Variants in DNAH8 observed in about 807,000 individuals in gnomAD.
DNAH8 encodes the protein axonemal beta dynein heavy chain 8.
DNAH8 carries 382 observed loss-of-function variants against 562.1 expected under a neutral mutation model. The ratio of observed to expected loss-of-function variants is 0.68; its 90% CI spans 0.63 to 0.74. DNAH8 has a LOEUF of 0.74. DNAH8 is among the 30% of genes least tolerant of loss of function. The pLI, the probability that DNAH8 is intolerant of heterozygous loss-of-function variation, is 0.00. For missense variants in DNAH8, 5,203 were observed against 5,620.4 expected, an observed-to-expected ratio of 0.93 and a Z score of 2.37; for synonymous variants, 1,881 against 1,919.4, an observed-to-expected ratio of 0.98 and a Z score of 0.52.
At chr6:38,715,952 A>ATTTTTT (rs1562521236) in intron 1 of DNAH8, among the ~76,000 whole-genome samples, 22 of 25,696 alleles carry the variant, frequency 8.6e-4, no homozygotes, top group African/African-American at 3.6e-3. Flanking sequence ...ATATATATAT[A>ATTTTTT]TATATATATT....
At position 38,974,339 on chromosome 6, in the gene DNAH8, A is replaced by T; in HGVS notation, c.12679-35A>T. ...TCTATTTTATTCTTTATAGTAATTT[A>T]TAGAAACAAAAGCACTGTTTTCTTT... On this transcript the variant is annotated intron_variant, in intron 84 of 92. Transcript: ENST00000327475. 5 of 1,525,668 alleles carry T rather than the reference A, an allele frequency of 3.3e-6. No homozygotes were observed. The South Asian group carries it at 6.2e-5, about 19-fold the overall frequency. The allele number at this position is 1,525,668 out of a possible 1,614,324, so 94.5% of individuals were successfully genotyped here.
intron 8 of DNAH8, among the ~76,000 whole-genome samples, chr6:38,747,232 T>A (rs184382076): frequency 2.6e-5 from 4 of 152,208 alleles, no homozygotes; most frequent in Admixed American, 6.5e-5. Flanking sequence ...TATAGAACAG[T>A]GAGAGATTAA....
In DNAH8 at chr6:38,899,680, T is replaced by C. The variant is rs985504326; in HGVS notation, c.9064-96T>C. On this transcript the variant is annotated intron_variant, in intron 61 of 92. Transcript: ENST00000327475. ...AACGAGGAAAAAGTCTAATATCATC[T>C]AGAAACATATGATCAAAACTTGGGC... The C allele has an allele frequency of 1.4e-5, 19 of 1,377,522 alleles. No homozygotes were observed. The Admixed American group carries it at 3.6e-4, about 26-fold the overall frequency. The allele number at this position is 1,377,522 out of a possible 1,614,324, so 85.3% of individuals were successfully genotyped here.
intron 48 of DNAH8, among the ~76,000 whole-genome samples, 179 bp downstream of exon 48, chr6:38,868,375 C>T (rs1777220208): frequency 6.6e-6 from 1 of 152,158 alleles, no homozygotes; most frequent in African/African-American, 2.4e-5. Flanking sequence ...CCTGTGTGAC[C>T]AACATGGACT....
intron 82 of DNAH8, among the ~76,000 whole-genome samples, chr6:38,954,383 A>G (rs1381713098): frequency 1.3e-5 from 2 of 152,262 alleles, no homozygotes; most frequent in South Asian, 2.1e-4. Flanking sequence ...AACATTTTAA[A>G]TAATAAGAGA....
chr6:38,958,913 A>G (rs890684569), intron 82 of DNAH8, among the ~76,000 whole-genome samples: 1 of 152,182 alleles, frequency 6.6e-6, no homozygotes, highest in Admixed American at 6.5e-5. Flanking sequence ...AGCAAACCAA[A>G]TCAAACAGTG....
At chr6:38,874,812 G>A (rs1777867550) in intron 52 of DNAH8, among the ~76,000 whole-genome samples, 1 of 152,210 alleles carries the variant, frequency 6.6e-6, no homozygotes, top group African/African-American at 2.4e-5. Flanking sequence ...TCAGTTAAGA[G>A]AGTCAGTCAT....
chr6:38,966,709 A>C (rs1018837821), intron 82 of DNAH8, among the ~76,000 whole-genome samples: 2 of 152,222 alleles, frequency 1.3e-5, no homozygotes, highest in African/African-American at 4.8e-5. Flanking sequence ...TACCATATTA[A>C]TAGAATAATA....
At chr6:38,743,362 T>C (rs932035100) in intron 8 of DNAH8, among the ~76,000 whole-genome samples, 19 of 152,088 alleles carry the variant, frequency 1.2e-4, no homozygotes, top group Non-Finnish European at 1.5e-5. Flanking sequence ...GTGGACCAAT[T>C]TTCCCCTTTC....
intron 12 of DNAH8, 48 bp downstream of exon 12, chr6:38,770,607 G>T: frequency 6.7e-7 from 1 of 1,494,308 alleles, no homozygotes. Context: ...ACACCTTTTT[G>T]GTGATTTTGT....
In DNAH8 at chr6:38,929,659, C is replaced by T. The variant is rs1307978704; in HGVS notation, c.11267C>T (p.Thr3756Ile). 2 of 1,464,934 alleles carry T rather than the reference C, an allele frequency of 1.4e-6. No individual in the cohort carries two copies. Among genetic ancestry groups the T allele is most frequent in the Non-Finnish European group, 1.8e-6 (2 of 1,099,058 alleles). The allele number at this position is 1,464,934 out of a possible 1,614,324, so 90.7% of individuals were successfully genotyped here. A position where few individuals can be genotyped will look rare whatever the true frequency, so the allele number is the denominator to read the frequency against. ...AAGAATTTTATTAAATCTGGCACCA[C>T]TTTCAAGGTGAGCTTTGTAAAAAAA... The part of the protein sequence containing the change: ...LEKNFIKSGT[T>I]FKVKVGDKEC... The change falls in exon 75 of 93, where the codon ACT (threonine) becomes ATT (isoleucine). Residue 3756 changes from threonine (T) to isoleucine (I), a missense_variant. Transcript: ENST00000327475.
rs185533480 is a variant in DNAH8 at position 38,926,106 on chromosome 6, A to C, written c.11014A>C (p.Asn3672His). ...ACCAGGAGATGATCTCTCAATTCAG[A>C]ATGGCATTATTGTGACAAAGGCCAC... is the stretch of plus-strand genomic sequence containing the variant. ...GLPGDDLSIQNGIIVTKATRY... is the reference protein window; with the variant it reads ...GLPGDDLSIQHGIIVTKATRY... The change falls in exon 74 of 93, where the codon AAT becomes CAT. Residue 3672 changes from asparagine (N) to histidine (H), a missense_variant. Physicochemically the swap from Asn to His is moderately conservative, Grantham distance 68. Coordinates refer to ENST00000327475, the MANE Select transcript of DNAH8 (RefSeq NM_001206927.2). 1 of 1,613,836 alleles carries C rather than the reference A, an allele frequency of 6.2e-7. No homozygotes were observed. Among genetic ancestry groups the C allele is most frequent in the East Asian group, 2.2e-5 (1 of 44,864 alleles).
chr6:38,863,819 C>A, intron 44 of DNAH8, 54 bp from the exon 45 acceptor site: 1 of 1,413,528 alleles, frequency 7.1e-7, no homozygotes, highest in Non-Finnish European at 9.6e-7. Flanking sequence ...TGATTGTTAT[C>A]AAGAAGGTAT....
intron 79 of DNAH8, 146 bp from the exon 80 acceptor site, chr6:38,945,321 C>T: frequency 1.2e-6 from 1 of 818,268 alleles, no homozygotes; most frequent in Non-Finnish European, 1.9e-6. Context: ...TACCAAAAAA[C>T]CCTCACATTT....
chr6:38,952,486 G>T (rs1307406193), intron 82 of DNAH8, among the ~76,000 whole-genome samples: 1 of 152,128 alleles, frequency 6.6e-6, no homozygotes, highest in Non-Finnish European at 1.5e-5. Context: ...ACCTTGTAGG[G>T]TTAATCCAAT....
chr6:38,724,920 A>G (rs753007749), intron 3 of DNAH8, among the ~76,000 whole-genome samples: 1 of 152,078 alleles, frequency 6.6e-6, no homozygotes, highest in Non-Finnish European at 1.5e-5. Context: ...CATGGGGGCC[A>G]TATCCCCTGC....
intron 91 of DNAH8, among the ~76,000 whole-genome samples, chr6:39,013,124 A>G (rs778610933): frequency 7.2e-5 from 11 of 152,190 alleles, no homozygotes; most frequent in African/African-American, 1.2e-4. Flanking sequence ...TTTTTTCCTG[A>G]AAGAGTGCTT....
chr6:38,766,259 A>G (rs1338501519), intron 11 of DNAH8, among the ~76,000 whole-genome samples: 1 of 152,134 alleles, frequency 6.6e-6, no homozygotes, highest in African/African-American at 2.4e-5. Context: ...TCATTATGCT[A>G]AGTGAAATAA....
rs1305793855 is a variant in DNAH8 at position 38,874,164 on chromosome 6, TTC to T, written c.7620+794_7620+795del. Among the ~76,000 whole-genome samples, 8 of 113,722 alleles carry T rather than the reference TTC, an allele frequency of 7.0e-5. 1 individual carries two copies. The highest frequency in any genetic ancestry group is 1.8e-4 in the African/African-American group (6 of 32,932). 74.6% of individuals were successfully genotyped at this position (113,722 alleles called of 152,430 possible). The stretch of plus-strand genomic sequence containing the variant: ...CTCTTTCTCCTTCCTTCCTTCCTCC[TTC>T]TCTCTTTCTTTCTTTCTCTCTCTCT... On this transcript the variant is annotated intron_variant, in intron 52 of 92. Coordinates refer to ENST00000327475, the MANE Select transcript of DNAH8 (RefSeq NM_001206927.2).
Sources: gnomAD v4.1 joint callset for allele counts (sites outside exome capture counted in the v4.1 genomes callset) on GRCh38, gnomAD v4.1.1 for gene constraint, MANE v1.5 for transcripts, NCBI Gene and HGNC (gene_info 2026-07-23, HGNC 2026-07-21) for gene names.